Variants in SHOC2 observed in about 807,000 individuals in gnomAD.
SHOC2 encodes SHOC2 leucine rich repeat scaffold protein.
Under a neutral mutation model 50.2 loss-of-function variants are expected in SHOC2, and 4 were observed. The ratio of observed to expected loss-of-function variants is 0.08; its 90% confidence interval spans 0.04 to 0.18. The LOEUF (loss-of-function observed/expected upper bound fraction) is 0.18, where lower values mean the gene tolerates loss of function less well. SHOC2 is among the 10% of genes least tolerant of loss of function. The pLI, the probability that SHOC2 is intolerant of heterozygous loss-of-function variation, is 1.00. For synonymous variants in SHOC2, 218 were observed against 244.5 expected, an observed-to-expected ratio of 0.89 and a Z score of 1.01; for missense variants, 388 against 669.6, an observed-to-expected ratio of 0.58 and a Z score of 4.64.
intron 1 of SHOC2, among the ~76,000 whole-genome samples, chr10:110,932,212 A>ATGGGAAG (rs1367548268): frequency 1.3e-5 from 2 of 152,234 alleles, no homozygotes; most frequent in African/African-American, 4.8e-5. Context: ...ATAGTGCAAG[A>ATGGGAAG]TGGGAAGTAT....
At chr10:110,960,921 C>T (rs1473613853) in intron 1 of SHOC2, among the ~76,000 whole-genome samples, 1 of 152,164 alleles carries the variant, frequency 6.6e-6, no homozygotes, top group Non-Finnish European at 1.5e-5. Context: ...AAGTGATCCG[C>T]CTGCCTCAGC....
At chr10:110,942,285 C>T (rs763144164) in intron 1 of SHOC2, among the ~76,000 whole-genome samples, 3 of 152,172 alleles carry the variant, frequency 2.0e-5, no homozygotes, top group Non-Finnish European at 4.4e-5. Flanking sequence ...TGCATGCTTT[C>T]TAAAGTTCTA....
intron 2 of SHOC2, among the ~76,000 whole-genome samples, chr10:110,980,454 G>A (rs1388570752): frequency 6.6e-6 from 1 of 152,034 alleles, no homozygotes; most frequent in Non-Finnish European, 1.5e-5. Context: ...TTGATAGTAG[G>A]CCTGTTGTTC....
chr10:110,923,870 A>T (rs1243091603), intron 1 of SHOC2, among the ~76,000 whole-genome samples: 1 of 152,234 alleles, frequency 6.6e-6, no homozygotes, highest in Non-Finnish European at 1.5e-5. Flanking sequence ...ATTACTATTT[A>T]AAAGTCCTAT....
chr10:110,996,828 C>G (rs554823488), intron 3 of SHOC2, among the ~76,000 whole-genome samples: 49 of 152,248 alleles, frequency 3.2e-4, no homozygotes, highest in Middle Eastern at 6.8e-3. Context: ...GGATAACTCA[C>G]TAAGTGTAAA....
chr10:110,979,291 G>C (rs572015914), intron 2 of SHOC2, among the ~76,000 whole-genome samples: 1 of 152,206 alleles, frequency 6.6e-6, no homozygotes, highest in East Asian at 1.9e-4. Context: ...TTATCAAAGC[G>C]TGTAAGCTAA....
intron 1 of SHOC2, among the ~76,000 whole-genome samples, chr10:110,943,238 C>T (rs1847184192): frequency 6.6e-6 from 1 of 151,034 alleles, no homozygotes; most frequent in South Asian, 2.1e-4. Context: ...CTCTGAGGCT[C>T]CGTTTCTTTT....
chr10:110,981,620 A>G (rs1847977179), intron 2 of SHOC2, among the ~76,000 whole-genome samples: 1 of 152,176 alleles, frequency 6.6e-6, no homozygotes, highest in Non-Finnish European at 1.5e-5. Context: ...GTAATTCCCC[A>G]CTGTTTCTAA....
At chr10:110,993,166 C>T (rs894661338) in intron 3 of SHOC2, among the ~76,000 whole-genome samples, 2 of 152,138 alleles carry the variant, frequency 1.3e-5, no homozygotes, top group African/African-American at 2.4e-5. Context: ...GATCAGCCTA[C>T]GTTTATATAC....
intron 1 of SHOC2, among the ~76,000 whole-genome samples, chr10:110,940,044 T>C (rs1847104756): frequency 6.6e-6 from 1 of 152,258 alleles, no homozygotes. Context: ...ATATGAATTA[T>C]GCATTTAGAC....
intron 8 of SHOC2, among the ~76,000 whole-genome samples, 163 bp downstream of exon 8, chr10:111,009,993 G>C (rs890467485): frequency 6.6e-6 from 1 of 151,954 alleles, no homozygotes. Flanking sequence ...TTGTTGATTG[G>C]TTTTGGTTAG....
chr10:110,993,700 A>T (rs1848222346), intron 3 of SHOC2, among the ~76,000 whole-genome samples: 1 of 152,100 alleles, frequency 6.6e-6, no homozygotes, highest in Non-Finnish European at 1.5e-5. Flanking sequence ...AATTCTAGGA[A>T]CCTACTCTGG....
In SHOC2 at chr10:110,940,910, GTTTTTTTT is replaced by G. The variant is rs539552844; in HGVS notation, c.-235+21284_-235+21291del. ...GACAAAATAGTGGTATTTGTGGTGG[GTTTTTTTT>G]TTTTTTTTTTTTTTTTTTTTTTTTT... is the stretch of plus-strand genomic sequence containing the variant. On this transcript the variant is annotated intron_variant, in intron 1 of 8. Coordinates refer to ENST00000369452, the MANE Select transcript of SHOC2 (RefSeq NM_007373.4). 7.0e-4 allele frequency among the ~76,000 whole-genome samples: 84 copies of G among 119,462 alleles called. 11 individuals are homozygous for G. In the South Asian group the frequency reaches 0.017, roughly 24 times the overall value. 78.4% of individuals were successfully genotyped at this position (119,462 alleles called of 152,430 possible). A position where few individuals can be genotyped will look rare whatever the true frequency, so the allele number is the denominator to read the frequency against.
At chr10:110,965,501 C>T (rs73343897) in intron 2 of SHOC2, among the ~76,000 whole-genome samples, 3,364 of 152,056 alleles carry the variant, frequency 0.022, 124 homozygotes, top group African/African-American at 0.076. Context: ...CCTAATTTAC[C>T]ACAAAAGGTT....
intron 1 of SHOC2, among the ~76,000 whole-genome samples, chr10:110,952,060 T>C (rs1847364234): frequency 6.6e-6 from 1 of 152,186 alleles, no homozygotes; most frequent in South Asian, 2.1e-4. Context: ...TTACAGACAA[T>C]GAAACTACTA....
At chr10:110,957,496 C>T (rs1034880562) in intron 1 of SHOC2, among the ~76,000 whole-genome samples, 2 of 152,048 alleles carry the variant, frequency 1.3e-5, no homozygotes, top group Admixed American at 1.3e-4. Flanking sequence ...GTAAATTCTC[C>T]TGCAGGAAGA....
intron 1 of SHOC2, among the ~76,000 whole-genome samples, chr10:110,932,628 G>A (rs1454362691): frequency 6.6e-6 from 1 of 152,048 alleles, no homozygotes; most frequent in Admixed American, 6.5e-5. Context: ...CACCTTTTTT[G>A]GTTGATTCCT....
intron 1 of SHOC2, among the ~76,000 whole-genome samples, chr10:110,958,374 C>T (rs780160771): frequency 1.3e-5 from 2 of 152,030 alleles, no homozygotes; most frequent in Non-Finnish European, 2.9e-5. Flanking sequence ...CCACCACGCC[C>T]AGCTAATTTT....
At chr10:110,936,977 C>A (rs1221501330) in intron 1 of SHOC2, 3 of 1,459,938 alleles carry the variant, frequency 2.1e-6, no homozygotes, top group Non-Finnish European at 2.9e-6. Context: ...GGGCAGCATA[C>A]TTCGCACAGT....
Sources: allele counts gnomAD v4.1 joint callset (sites outside exome capture counted in the v4.1 genomes callset), GRCh38; gene constraint gnomAD v4.1.1; transcripts MANE v1.5; gene names NCBI Gene and HGNC (gene_info 2026-07-23, HGNC 2026-07-21).